The following SUCLA2 variants were observed in gnomAD, a reference collection of about 807,000 sequenced individuals.
SUCLA2 encodes the protein succinate-CoA ligase ADP-forming subunit beta, also known as succinate--CoA ligase [ADP-forming] subunit beta, mitochondrial.
A neutral mutation model predicts 54.8 loss-of-function variants in SUCLA2; 30 were observed. The observed-to-expected ratio is 0.55, with a 90% CI of 0.41 to 0.74. The LOEUF is 0.74. Among genes scored for constraint, SUCLA2 ranks in the 30% least tolerant of loss-of-function variants. SUCLA2 has a pLI of 0.00. For missense variants in SUCLA2, 476 were observed against 562.9 expected, an observed-to-expected ratio of 0.85 and a Z score of 1.56; for synonymous variants, 172 against 188.9, an observed-to-expected ratio of 0.91 and a Z score of 0.74.
At chr13:47,946,651 A>G (rs765341385) in intron 10 of SUCLA2, among the ~76,000 whole-genome samples, 8 of 152,060 alleles carry the variant, frequency 5.3e-5, no homozygotes, top group African/African-American at 1.9e-4. Context: ...CAAAACACAC[A>G]GAGAATTATT....
chr13:47,988,414 C>T, intron 4 of SUCLA2, 127 bp downstream of exon 4: 2 of 1,066,052 alleles, frequency 1.9e-6, no homozygotes, highest in Non-Finnish European at 2.7e-6. Flanking sequence ...ATATCATGCT[C>T]ATGACATACA....
At chr13:47,990,541 CAT>C (rs1593501772) in intron 2 of SUCLA2, among the ~76,000 whole-genome samples, 1 of 152,152 alleles carries the variant, frequency 6.6e-6, no homozygotes, top group East Asian at 1.9e-4. Flanking sequence ...TTTTGCCTCT[CAT>C]AGCATTTTGC....
At position 47,949,513 on chromosome 13, in the gene SUCLA2, T is replaced by C; in HGVS notation, c.1198A>G (p.Ile400Val). Residue 400 changes from isoleucine to valine, a missense_variant, in exon 9 of 11, where the codon ATT (isoleucine) becomes GTT (valine). By Grantham distance (29) the Ile-to-Val change is conservative. This residue lies in a region of SUCLA2 where 342 missense variants were observed against 444.2 expected (regional missense o/e 0.77). Transcript: ENST00000646932. ...GIVMAVKDLE[I>V]KIPVVVRLQG... Reference sequence around the variant, plus strand: ...AACCGTACCACAACAGGTATTTTAATTTCCAAGTCTTTTACTGCCATGACT... The same window carrying C: ...AACCGTACCACAACAGGTATTTTAACTTCCAAGTCTTTTACTGCCATGACT... 6.2e-7 allele frequency: 1 copy of C among 1,613,646 alleles called. No homozygotes were observed. Among genetic ancestry groups the C allele is most frequent in the African/African-American group, 1.3e-5 (1 of 75,028 alleles).
chr13:47,951,944 C>A (rs1226307513), intron 8 of SUCLA2, among the ~76,000 whole-genome samples: 1 of 151,038 alleles, frequency 6.6e-6, no homozygotes, highest in Admixed American at 6.6e-5. Flanking sequence ...TCTCCTCAGT[C>A]CTACTGCCTT....
chr13:47,992,121 C>A (rs749394745), intron 2 of SUCLA2, among the ~76,000 whole-genome samples: 1 of 152,086 alleles, frequency 6.6e-6, no homozygotes, highest in Admixed American at 6.5e-5. Context: ...GCAAACAGTG[C>A]AAATGTAATG....
chr13:47,945,463 T>C, intron 10 of SUCLA2, among the ~76,000 whole-genome samples: 1 of 146,916 alleles, frequency 6.8e-6, no homozygotes. Flanking sequence ...CTACTATTGA[T>C]TAAGCTATAG....
At chr13:47,974,585 C>CA (rs1028492381) in intron 4 of SUCLA2, among the ~76,000 whole-genome samples, 2 of 149,334 alleles carry the variant, frequency 1.3e-5, no homozygotes, top group Non-Finnish European at 3.0e-5. Flanking sequence ...GACCCTGTCT[C>CA]AAAAAAAAAG....
intron 6 of SUCLA2, among the ~76,000 whole-genome samples, chr13:47,960,685 T>C (rs1269321674): frequency 6.6e-6 from 1 of 151,956 alleles, no homozygotes; most frequent in Non-Finnish European, 1.5e-5. Flanking sequence ...TTAAGTGACA[T>C]TCATTTGAAT....
chr13:47,943,297 C>G lies in SUCLA2; in HGVS notation c.*74G>C. On this transcript the variant is annotated 3_prime_UTR_variant, in exon 11 of 11. Transcript: ENST00000646932. ...CTCCACACACTAAAAAGAAAAAGAA[C>G]AATAACACAGAACACAGTATTCTTA... 6.9e-7 allele frequency: 1 copy of G among 1,438,928 alleles called. No individual in the cohort carries two copies. The highest frequency in any genetic ancestry group is 9.8e-7 in the Non-Finnish European group (1 of 1,022,138). The allele number at this position is 1,438,928 out of a possible 1,614,324, so 89.1% of individuals were successfully genotyped here.
chr13:47,954,488 A>G lies in SUCLA2; in HGVS notation c.872T>C (p.Leu291Pro). Residue 291 changes from leucine (L) to proline (P), a missense_variant, in exon 7 of 11, where the codon CTA becomes CCA. Around this residue, in one of 2 missense-constraint regions of SUCLA2, gnomAD observed 342 missense variants for 444.2 expected, o/e 0.77. Coordinates refer to ENST00000646932, the MANE Select transcript of SUCLA2 (RefSeq NM_003850.3). ...TTCATCTTCCTGGGTCCAGTCCTGT[A>G]GATCAAAGATTTTCTTTTGGCGATA... ...SAYRQKKIFDLQDWTQEDERD... is the reference protein window; with the variant it reads ...SAYRQKKIFDPQDWTQEDERD... 6.2e-7 allele frequency: 1 copy of G among 1,613,926 alleles called. No individual in the cohort carries two copies. The highest frequency in any genetic ancestry group is 1.1e-5 in the South Asian group (1 of 91,074).
intron 6 of SUCLA2, 23 bp downstream of exon 6, chr13:47,968,572 T>G (rs369815989): frequency 1.7e-5 from 28 of 1,610,796 alleles, no homozygotes; most frequent in Non-Finnish European, 2.4e-5. Flanking sequence ...CATAATCATG[T>G]TAGACAAAAG....
intron 4 of SUCLA2, 22 bp from the exon 5 acceptor site, chr13:47,973,414 C>A (rs1185872753): frequency 1.2e-5 from 20 of 1,611,270 alleles, no homozygotes; most frequent in Non-Finnish European, 1.6e-5. Context: ...AGTAAACAAC[C>A]AAAACTCTAG....
intron 6 of SUCLA2, among the ~76,000 whole-genome samples, chr13:47,958,028 TG>T (rs1949836030): frequency 6.6e-6 from 1 of 152,184 alleles, no homozygotes; most frequent in African/African-American, 2.4e-5. Flanking sequence ...GTTTGGAATC[TG>T]GGGTTTGCTG....
At chr13:47,978,631 C>T (rs887994902) in intron 4 of SUCLA2, among the ~76,000 whole-genome samples, 1 of 152,106 alleles carries the variant, frequency 6.6e-6, no homozygotes, top group Non-Finnish European at 1.5e-5. Flanking sequence ...GACGAAAACA[C>T]CAAAAGCAAT....
At chr13:47,978,550 A>G (rs1487270194) in intron 4 of SUCLA2, among the ~76,000 whole-genome samples, 1 of 152,222 alleles carries the variant, frequency 6.6e-6, no homozygotes, top group Non-Finnish European at 1.5e-5. Flanking sequence ...AAGACCTAAA[A>G]CCATAAAAAC....
chr13:47,998,308 A>G (rs1033268444), intron 1 of SUCLA2, among the ~76,000 whole-genome samples: 19 of 151,732 alleles, frequency 1.3e-4, no homozygotes, highest in Admixed American at 1.0e-3. Context: ...AAAAAAAAAA[A>G]AAAAAGAAAA....
At position 47,988,547 on chromosome 13, in the gene SUCLA2, T is replaced by C. The variant is rs764686819; in HGVS notation, c.528A>G (p.Ser176=). 1 of 1,613,834 alleles carries C rather than the reference T, an allele frequency of 6.2e-7. No homozygotes were observed. Among genetic ancestry groups the C allele is most frequent in the South Asian group, 1.1e-5 (1 of 91,072 alleles). The change falls in exon 4 of 11, where the codon TCA becomes TCG. Residue 176 remains serine (S), a synonymous_variant. Transcript: ENST00000646932. ...EYYFAITMER[S]FQGPVLIGSS... ...CATGTCTACAATTACTCACTTGAAA[T>C]GACCTTTCCATTGTTATTGCAAAGT...
intron 8 of SUCLA2, among the ~76,000 whole-genome samples, chr13:47,950,729 T>C (rs745980288): frequency 6.6e-5 from 10 of 152,158 alleles, no homozygotes; most frequent in Non-Finnish European, 1.3e-4. Flanking sequence ...AAATGCATTG[T>C]AGATACACCA....
At position 47,954,259 on chromosome 13, in the gene SUCLA2, C is replaced by T; in HGVS notation, c.988G>A (p.Ala330Thr). 6.2e-7 allele frequency: 1 copy of T among 1,613,842 alleles called. No individual in the cohort carries two copies. Among genetic ancestry groups the T allele is most frequent in the East Asian group, 2.2e-5 (1 of 44,874 alleles). ...CLVNGAGLAM[A>T]TMDIIKLHGG... ...TGAAGTTTTATTATATCCATTGTGG[C>T]CATAGCCAAACCAGCACCATTTACT... is the stretch of plus-strand genomic sequence containing the variant. Residue 330 changes from alanine to threonine, a missense_variant, in exon 8 of 11, where the codon GCC becomes ACC. Transcript: ENST00000646932.
Sources: gnomAD v4.1 joint callset for allele counts (sites outside exome capture counted in the v4.1 genomes callset) on GRCh38, gnomAD v4.1.1 for gene constraint, gnomAD v4.1.1 regional missense constraint, MANE v1.5 for transcripts, NCBI Gene and HGNC (gene_info 2026-07-23, HGNC 2026-07-21) for gene names.